Variants in MAP3K20 observed in about 807,000 individuals in gnomAD.
MAP3K20 encodes HCCS-4.
In MAP3K20, 40 loss-of-function variants were observed where a neutral mutation model predicts 85.7. The ratio of observed to expected loss-of-function variants is 0.47; its 90% CI spans 0.36 to 0.61. MAP3K20 has a LOEUF of 0.61. MAP3K20 is among the 20% of genes least tolerant of loss of function. The probability of loss-of-function intolerance (pLI) is 0.00; values close to 1 mark genes in which losing one functional copy is unlikely to be tolerated. For synonymous variants in MAP3K20, 325 were observed against 327.7 expected (o/e 0.99, Z 0.09); for missense variants, 817 against 961.7 (o/e 0.85, Z 1.99).
chr2:173,230,541 G>T (rs1164702642), intron 12 of MAP3K20, among the ~76,000 whole-genome samples: 2 of 152,192 alleles, frequency 1.3e-5, no homozygotes, highest in East Asian at 3.8e-4. Context: ...TTTAGCCAGA[G>T]AAGCCCTATG....
chr2:173,266,556 C>T lies in MAP3K20; in HGVS notation c.2209C>T (p.Leu737Phe). Reference protein sequence around the residue: ...SPDFKRSPRDLHQPNTIPGMP... With the variant: ...SPDFKRSPRDFHQPNTIPGMP... ...TGACTTCAAGAGAAGCCCCAGGGAC[C>T]TCCACCAACCCAACACCATACCAGG... Residue 737 changes from leucine to phenylalanine, a missense_variant, in exon 20 of 20, where the codon CTC (leucine) becomes TTC (phenylalanine). Transcript: ENST00000375213. 1 of 1,613,760 alleles carries T rather than the reference C, an allele frequency of 6.2e-7. No homozygotes were observed. The highest frequency in any genetic ancestry group is 8.5e-7 in the Non-Finnish European group (1 of 1,179,896).
At chr2:173,233,824 G>A (rs77037045) in intron 14 of MAP3K20, among the ~76,000 whole-genome samples, 13,973 of 152,060 alleles carry the variant, frequency 0.092, 1,336 homozygotes, top group East Asian at 0.56. Flanking sequence ...ACATCCTTAC[G>A]GACTCTCAGC....
At chr2:173,182,770 G>T in intron 3 of MAP3K20, 84 bp from the exon 4 acceptor site, 1 of 946,108 alleles carries the variant, frequency 1.1e-6, no homozygotes, top group Non-Finnish European at 1.5e-6. Flanking sequence ...ATTCTTTAAT[G>T]TATTTTCTCA....
chr2:173,216,476 T>C (rs1048965075), intron 10 of MAP3K20, among the ~76,000 whole-genome samples: 2 of 151,084 alleles, frequency 1.3e-5, no homozygotes, highest in Non-Finnish European at 3.0e-5. Flanking sequence ...TAAGGAAGGG[T>C]CCTAGAAATC....
chr2:173,226,797 ATAAT>A (rs1684401433), intron 11 of MAP3K20: 2 of 983,462 alleles, frequency 2.0e-6, no homozygotes, highest in Admixed American at 6.1e-5. Context: ...TTTGTACTAA[ATAAT>A]AGAAAATATT....
At chr2:173,265,195 C>T (rs115694796) in intron 19 of MAP3K20, among the ~76,000 whole-genome samples, 173 of 152,334 alleles carry the variant, frequency 1.1e-3, no homozygotes, top group African/African-American at 3.9e-3. Context: ...ACTCTCCACG[C>T]GCACTATCTG....
chr2:173,217,597 CCTT>C (rs1282691498), intron 11 of MAP3K20, among the ~76,000 whole-genome samples: 2 of 152,200 alleles, frequency 1.3e-5, no homozygotes, highest in East Asian at 1.9e-4. Flanking sequence ...CTGATTAACT[CCTT>C]CTAGTCACTC....
intron 16 of MAP3K20, among the ~76,000 whole-genome samples, chr2:173,240,383 T>C (rs1684753727): frequency 1.3e-5 from 2 of 152,182 alleles, no homozygotes; most frequent in Admixed American, 1.3e-4. Flanking sequence ...TGGCCTTTCC[T>C]CAGTGAAACC....
chr2:173,126,380 C>G (rs944525611), intron 2 of MAP3K20, among the ~76,000 whole-genome samples: 2 of 151,760 alleles, frequency 1.3e-5, no homozygotes, highest in South Asian at 2.1e-4. Context: ...CTTTTTCTTT[C>G]TTTTTGTTTT....
In MAP3K20 at chr2:173,263,842, T is replaced by G; in HGVS notation, c.1649T>G (p.Ile550Ser). 6.2e-7 allele frequency: 1 copy of G among 1,613,568 alleles called. No homozygotes were observed. Among genetic ancestry groups the G allele is most frequent in the Non-Finnish European group, 8.5e-7 (1 of 1,179,874 alleles). Residue 550 changes from isoleucine to serine, a missense_variant, in exon 19 of 20, where the codon ATT (isoleucine) becomes AGT (serine). Transcript: ENST00000375213. ...QDEVKAVQLA[I>S]QTLFTNSDGN... is the part of the protein sequence containing the mutation. ...GAAGTGAAAGCAGTCCAACTTGCCA[T>G]TCAGACATTATTCACCAATTCAGAT...
At chr2:173,227,154 G>T in intron 11 of MAP3K20, 12 of 984,460 alleles carry the variant, frequency 1.2e-5, no homozygotes, top group Non-Finnish European at 1.3e-5. Flanking sequence ...AAATCCCTTT[G>T]TTACGTGTTG....
At chr2:173,116,287 T>C (rs1384464157) in intron 2 of MAP3K20, among the ~76,000 whole-genome samples, 1 of 152,216 alleles carries the variant, frequency 6.6e-6, no homozygotes, top group Non-Finnish European at 1.5e-5. Context: ...GTGAGAACAC[T>C]TAAAATATAC....
chr2:173,266,553 G>C lies in MAP3K20; in HGVS notation c.2206G>C (p.Asp736His), dbSNP rs752428495. Residue 736 changes from aspartate to histidine, a missense_variant, in exon 20 of 20, where the codon GAC (aspartate) becomes CAC (histidine). Asp to His is a moderately conservative substitution (Grantham distance 81). This residue lies in a region of MAP3K20 where 454 missense variants were observed against 476.9 expected (regional missense o/e 0.95). Transcript: ENST00000375213. ...GCCTGACTTCAAGAGAAGCCCCAGG[G>C]ACCTCCACCAACCCAACACCATACC... ...QSPDFKRSPR[D>H]LHQPNTIPGM... is the part of the protein sequence containing the mutation. The C allele has an allele frequency of 6.2e-7, 1 of 1,613,722 alleles. No individual in the cohort carries two copies. Among genetic ancestry groups the C allele is most frequent in the Non-Finnish European group, 8.5e-7 (1 of 1,179,910 alleles).
chr2:173,115,102 T>G (rs1688080324), intron 2 of MAP3K20, among the ~76,000 whole-genome samples: 2 of 152,204 alleles, frequency 1.3e-5, no homozygotes, highest in South Asian at 4.1e-4. Flanking sequence ...TGTTCATATT[T>G]TCTTATTCTT....
intron 2 of MAP3K20, among the ~76,000 whole-genome samples, chr2:173,099,642 T>C (rs867889593): frequency 3.3e-5 from 5 of 152,190 alleles, no homozygotes; most frequent in South Asian, 4.1e-4. Flanking sequence ...CTACCCATTC[T>C]TCAGCTGTAA....
At chr2:173,165,287 C>T (rs994414060) in intron 2 of MAP3K20, among the ~76,000 whole-genome samples, 5 of 151,544 alleles carry the variant, frequency 3.3e-5, no homozygotes, top group South Asian at 2.1e-4. Flanking sequence ...TGTAGTGGTG[C>T]GTGCCTGTAA....
At chr2:173,187,515 T>G (rs1191189728) in intron 4 of MAP3K20, 43 bp from the exon 5 acceptor site, 1 of 1,527,486 alleles carries the variant, frequency 6.5e-7, no homozygotes, top group Non-Finnish European at 8.9e-7. Context: ...TGATGTAATG[T>G]TGAAAAATAT....
intron 11 of MAP3K20, chr2:173,224,952 C>T: frequency 3.1e-6 from 3 of 975,564 alleles, no homozygotes; most frequent in Non-Finnish European, 3.6e-6. Context: ...GTTCCAACTA[C>T]TTGATTTACA....
intron 12 of MAP3K20, 63 bp from the exon 13 acceptor site, chr2:173,232,129 T>G: frequency 1.3e-6 from 2 of 1,591,808 alleles, no homozygotes; most frequent in Admixed American, 1.7e-5. Flanking sequence ...CTATGTTTAC[T>G]GTGAAGACTG....
Sources: allele counts gnomAD v4.1 joint callset (sites outside exome capture counted in the v4.1 genomes callset), GRCh38; gene constraint gnomAD v4.1.1; regional missense constraint gnomAD v4.1.1; transcripts MANE v1.5; gene names NCBI Gene and HGNC (gene_info 2026-07-23, HGNC 2026-07-21).